The following MRPS6 variants were observed in gnomAD, a reference collection of about 807,000 sequenced individuals.
MRPS6 encodes the protein small ribosomal subunit protein bS6m.
In MRPS6, 6 loss-of-function variants were observed where a neutral mutation model predicts 13.1. The ratio of observed to expected loss-of-function variants is 0.46; its 90% CI spans 0.25 to 0.91. The LOEUF (loss-of-function observed/expected upper bound fraction) is 0.91, where lower values mean the gene tolerates loss of function less well. Among genes scored for constraint, MRPS6 ranks in the 40% least tolerant of loss-of-function variants. The pLI, the probability that MRPS6 is intolerant of heterozygous loss-of-function variation, is 0.18. For missense variants in MRPS6, 164 were observed against 155.6 expected (o/e 1.05, Z -0.29); for synonymous variants, 61 against 56.5 (o/e 1.08, Z -0.36).
intron 1 of MRPS6, among the ~76,000 whole-genome samples, chr21:34,112,306 A>T (rs1278819579): frequency 6.6e-6 from 1 of 152,220 alleles, no homozygotes; most frequent in Non-Finnish European, 1.5e-5. Context: ...CAATTTGAAG[A>T]GGTTTAAGAA....
chr21:34,075,762 C>T (rs1989315136), intron 1 of MRPS6, among the ~76,000 whole-genome samples: 1 of 152,176 alleles, frequency 6.6e-6, no homozygotes, highest in Admixed American at 6.5e-5. Flanking sequence ...AAATGTGGCA[C>T]AAACACAAAG....
chr21:34,081,140 A>G (rs1602905762), intron 1 of MRPS6, among the ~76,000 whole-genome samples: 1 of 152,160 alleles, frequency 6.6e-6, no homozygotes, highest in South Asian at 2.1e-4. Context: ...AAAAATAACT[A>G]GGAGGATTGT....
intron 2 of MRPS6, among the ~76,000 whole-genome samples, chr21:34,136,803 G>A (rs1416920327): frequency 1.3e-5 from 2 of 151,986 alleles, no homozygotes; most frequent in Non-Finnish European, 2.9e-5. Context: ...TATGGATTTT[G>A]GTTTTGGTGT....
chr21:34,132,565 C>T (rs1980543043), intron 2 of MRPS6, among the ~76,000 whole-genome samples: 1 of 152,204 alleles, frequency 6.6e-6, no homozygotes, highest in Admixed American at 6.5e-5. Context: ...GTTAGGATTT[C>T]CAGGTCTTTA....
intron 1 of MRPS6, chr21:34,104,481 C>T: frequency 1.0e-6 from 1 of 998,060 alleles, no homozygotes; most frequent in Non-Finnish European, 1.2e-6. Context: ...AAATGACTAC[C>T]TTTGTTCCTA....
intron 1 of MRPS6, among the ~76,000 whole-genome samples, chr21:34,112,410 A>G (rs62212125): frequency 0.069 from 8,613 of 124,460 alleles, 288 homozygotes; most frequent in Middle Eastern, 0.14. Flanking sequence ...GTTTATAGAA[A>G]GTAGCTGGAT....
At chr21:34,094,579 G>A (rs939932045) in intron 1 of MRPS6, among the ~76,000 whole-genome samples, 1 of 152,130 alleles carries the variant, frequency 6.6e-6, no homozygotes, top group African/African-American at 2.4e-5. Flanking sequence ...ACAAGAAAGG[G>A]CAATGCTGTG....
intron 1 of MRPS6, among the ~76,000 whole-genome samples, chr21:34,107,345 T>C (rs1979520597): frequency 6.6e-6 from 1 of 152,236 alleles, no homozygotes; most frequent in African/African-American, 2.4e-5. Flanking sequence ...TTGGCAGAAA[T>C]ACAAAAGTGA....
chr21:34,078,709 C>G (rs1285397285), intron 1 of MRPS6, among the ~76,000 whole-genome samples: 1 of 152,100 alleles, frequency 6.6e-6, no homozygotes, highest in Non-Finnish European at 1.5e-5. Flanking sequence ...TTTAACTCAT[C>G]TAAAAGAAAC....
intron 2 of MRPS6, among the ~76,000 whole-genome samples, chr21:34,136,324 T>A (rs1207377797): frequency 6.6e-6 from 1 of 152,062 alleles, no homozygotes; most frequent in Non-Finnish European, 1.5e-5. Flanking sequence ...ATTTTTGTAT[T>A]TTTGGTAGAG....
intron 1 of MRPS6, chr21:34,100,204 G>C: frequency 2.0e-6 from 2 of 1,000,220 alleles, no homozygotes; most frequent in Non-Finnish European, 1.2e-6. Context: ...GTCTTACCAG[G>C]TGTTAATGGT....
chr21:34,135,346 GTTTTTTTTTTTTTTTT>G, intron 2 of MRPS6: 1 of 146,426 alleles, frequency 6.8e-6, no homozygotes, highest in South Asian at 8.9e-5. Flanking sequence ...ATGAGAGCCG[GTTTTTTTTTTTTTTTT>G]TTTTTTTTTT....
rs57694757 is a variant in MRPS6 at position 34,116,178 on chromosome 21, TTGTGTGTGTGTG to T, written c.46-9135_46-9124del. 2.5e-4 allele frequency among the ~76,000 whole-genome samples: 35 copies of T among 141,380 alleles called. No individual in the cohort carries two copies. The East Asian group carries it at 3.1e-3, about 12-fold the overall frequency. The allele number at this position is 141,380 out of a possible 152,430, so 92.8% of individuals were successfully genotyped here. ...TGTGTCCCACCATGCCCAGCTAATT[TTGTGTGTGTGTG>T]TGTGTGTGTGTGTGTGTGTGTGTGT... On this transcript the variant is annotated intron_variant, in intron 1 of 2. Coordinates refer to ENST00000399312, the MANE Select transcript of MRPS6 (RefSeq NM_032476.4).
rs184287228 is a variant in MRPS6 at position 34,103,908 on chromosome 21, A to G, written c.46-21433A>G. 239 of 1,000,156 alleles carry G rather than the reference A, an allele frequency of 2.4e-4. No homozygotes were observed. In the African/African-American group the frequency reaches 2.6e-3, roughly 11 times the overall value. 62.0% of individuals were successfully genotyped at this position (1,000,156 alleles called of 1,614,324 possible). The stretch of plus-strand genomic sequence containing the variant: ...CTTGAAACTGGAGAAATAGGGACAG[A>G]TGTCTAGGTTTTTGGTGGGTGGAAC... On this transcript the variant is annotated intron_variant, in intron 1 of 2. Coordinates refer to ENST00000399312, the MANE Select transcript of MRPS6 (RefSeq NM_032476.4).
intron 1 of MRPS6, among the ~76,000 whole-genome samples, chr21:34,092,130 A>ATG (rs35664828): frequency 6.6e-6 from 1 of 151,436 alleles, no homozygotes; most frequent in African/African-American, 2.4e-5. Context: ...AAAAACATAT[A>ATG]TATATATATA....
At chr21:34,075,431 A>G (rs779976441) in intron 1 of MRPS6, among the ~76,000 whole-genome samples, 1 of 152,214 alleles carries the variant, frequency 6.6e-6, no homozygotes, top group African/African-American at 2.4e-5. Context: ...CTGTAATAAC[A>G]TAGCCTTTGG....
chr21:34,120,244 A>G (rs1197158643), intron 1 of MRPS6, among the ~76,000 whole-genome samples: 1 of 152,016 alleles, frequency 6.6e-6, no homozygotes, highest in Non-Finnish European at 1.5e-5. Flanking sequence ...GTTGAGTTCA[A>G]CCTCCCACCC....
intron 1 of MRPS6, among the ~76,000 whole-genome samples, chr21:34,093,328 G>T (rs1435710341): frequency 1.3e-5 from 2 of 150,728 alleles, no homozygotes; most frequent in Non-Finnish European, 2.9e-5. Context: ...ACTTTTCATA[G>T]CATAATTATT....
At chr21:34,083,030 T>G (rs1190676375) in intron 1 of MRPS6, among the ~76,000 whole-genome samples, 3 of 152,194 alleles carry the variant, frequency 2.0e-5, no homozygotes, top group Admixed American at 6.5e-5. Flanking sequence ...TAAACTGGCA[T>G]TTTTCTGCTT....
Sources: gnomAD v4.1 joint callset for allele counts (sites outside exome capture counted in the v4.1 genomes callset) on GRCh38, gnomAD v4.1.1 for gene constraint, MANE v1.5 for transcripts, NCBI Gene and HGNC (gene_info 2026-07-23, HGNC 2026-07-21) for gene names.